Variants in TRAK1 observed in about 807,000 individuals in gnomAD.
TRAK1 encodes trafficking kinesin-binding protein 1.
In TRAK1, 33 loss-of-function variants were observed where a neutral mutation model predicts 92.1. The observed-to-expected ratio is 0.36, with a 90% confidence interval of 0.27 to 0.48. TRAK1 has a LOEUF of 0.48. Among genes scored for constraint, TRAK1 ranks in the 20% least tolerant of loss-of-function variants. The pLI, the probability that TRAK1 is intolerant of heterozygous loss-of-function variation, is 0.99. For missense variants in TRAK1, 1,123 were observed against 1,257.9 expected (o/e 0.89, Z 1.62); for synonymous variants, 521 against 517.3 (o/e 1.01, Z -0.10).
chr3:42,180,559 G>A (rs1703855333), intron 3 of TRAK1, among the ~76,000 whole-genome samples: 1 of 151,870 alleles, frequency 6.6e-6, no homozygotes, highest in South Asian at 2.1e-4. Context: ...GCATGCCTGT[G>A]GTCCTAGCTA....
intron 1 of TRAK1, among the ~76,000 whole-genome samples, chr3:42,117,032 A>AT (rs1709253048): frequency 1.3e-5 from 2 of 152,098 alleles, no homozygotes; most frequent in Admixed American, 1.3e-4. Context: ...CTCTCATAAA[A>AT]ATACAGATCC....
intron 1 of TRAK1, among the ~76,000 whole-genome samples, chr3:42,105,495 G>A (rs1056688351): frequency 2.0e-5 from 3 of 152,186 alleles, no homozygotes; most frequent in East Asian, 1.9e-4. Context: ...AACGAACAAA[G>A]CCTCCAAGAA....
At chr3:42,086,311 C>CTTTT (rs750932535), upstream of TRAK1, among the ~76,000 whole-genome samples, 4 of 140,480 alleles carry the variant, frequency 2.8e-5, no homozygotes, top group African/African-American at 8.3e-5. Context: ...CTTTTTCTTT[C>CTTTT]TTTTTTTTTT....
intron 11 of TRAK1, 134 bp downstream of exon 11, chr3:42,199,387 G>A (rs1412008501): frequency 5.2e-6 from 4 of 770,986 alleles, no homozygotes; most frequent in African/African-American, 3.5e-5. Flanking sequence ...CCAGATTAAG[G>A]GAAATAATAG....
At position 42,202,853 on chromosome 3, in the gene TRAK1, C is replaced by G. The variant is rs951847592; in HGVS notation, c.1744+101C>G. On this transcript the variant is annotated intron_variant, in intron 13 of 15. Transcript: ENST00000327628. This position sits in a 1 kb window ranked among gnomAD's most constrained non-coding sequence, Gnocchi z 6.1. ...CGGGGCACCTCTGTCACGCCTACTCCTTTTTCTTCCGCGACAGCCACCCGC... is the reference window on the plus strand; with the variant it reads ...CGGGGCACCTCTGTCACGCCTACTCGTTTTTCTTCCGCGACAGCCACCCGC... 1 of 1,523,734 alleles carries G rather than the reference C, an allele frequency of 6.6e-7. No homozygotes were observed. Among genetic ancestry groups the G allele is most frequent in the Non-Finnish European group, 8.8e-7 (1 of 1,133,542 alleles). The allele number at this position is 1,523,734 out of a possible 1,614,324, so 94.4% of individuals were successfully genotyped here.
chr3:42,070,079 G>A (rs764073014), intron 1 of TRAK1, among the ~76,000 whole-genome samples: 11 of 151,640 alleles, frequency 7.3e-5, no homozygotes, highest in Non-Finnish European at 1.3e-4. Context: ...CTCAAACTCT[G>A]GACCTCAGGT....
intron 10 of TRAK1, among the ~76,000 whole-genome samples, chr3:42,195,250 G>T (rs1370704929): frequency 6.6e-6 from 1 of 152,208 alleles, no homozygotes; most frequent in Non-Finnish European, 1.5e-5. Context: ...TACAGGTTGA[G>T]CATCTCTAAT....
At chr3:42,146,418 T>A in intron 2 of TRAK1, 1 of 194,914 alleles carries the variant, frequency 5.1e-6, no homozygotes. Flanking sequence ...TTTTAATGCC[T>A]TTACTGGTTT....
chr3:42,218,622 T>C, intron 14 of TRAK1: 1 of 985,424 alleles, frequency 1.0e-6, no homozygotes, highest in South Asian at 4.7e-5. Flanking sequence ...CTTTGCCAGC[T>C]TTCTCATGCA....
chr3:42,082,607 A>G (rs529243088), upstream of TRAK1, among the ~76,000 whole-genome samples: 23 of 152,172 alleles, frequency 1.5e-4, no homozygotes, highest in Middle Eastern at 3.4e-3. Context: ...AAAAACAAAC[A>G]AACAAACAAA....
chr3:42,111,914 TTC>T (rs754911172), intron 1 of TRAK1, among the ~76,000 whole-genome samples: 25 of 148,732 alleles, frequency 1.7e-4, no homozygotes, highest in African/African-American at 5.9e-4. Flanking sequence ...GGCTGACATC[TTC>T]TTTTTTTTTT....
chr3:42,168,104 A>G (rs761520502), intron 2 of TRAK1, among the ~76,000 whole-genome samples: 49 of 152,244 alleles, frequency 3.2e-4, no homozygotes, highest in Non-Finnish European at 6.9e-4. Context: ...TTATGGCTGT[A>G]TCATGAAATT....
At chr3:42,050,336 T>C (rs1280857462) in intron 1 of TRAK1, among the ~76,000 whole-genome samples, 1 of 152,194 alleles carries the variant, frequency 6.6e-6, no homozygotes, top group East Asian at 1.9e-4. Flanking sequence ...GAAGGGACCA[T>C]TGCCCGGGCG....
At chr3:42,039,866 T>C (rs1702469686) in intron 1 of TRAK1, among the ~76,000 whole-genome samples, 1 of 152,198 alleles carries the variant, frequency 6.6e-6, no homozygotes, top group African/African-American at 2.4e-5. Context: ...TCATTCTCCC[T>C]AGATCCTTGC....
At chr3:42,199,717 C>G (rs1000609967) in intron 11 of TRAK1, among the ~76,000 whole-genome samples, 1 of 152,190 alleles carries the variant, frequency 6.6e-6, no homozygotes, top group African/African-American at 2.4e-5. Context: ...CTTGGCCTTC[C>G]CAAAGTGTTG....
At chr3:42,100,520 T>C (rs981068393) in intron 1 of TRAK1, among the ~76,000 whole-genome samples, 1 of 152,206 alleles carries the variant, frequency 6.6e-6, no homozygotes, top group African/African-American at 2.4e-5. Context: ...ATTCCAGAAG[T>C]AGTTTTTGTA....
chr3:42,138,876 G>GGTGTGTGTGTGT (rs60025099), intron 2 of TRAK1, among the ~76,000 whole-genome samples: 4 of 118,774 alleles, frequency 3.4e-5, no homozygotes, highest in South Asian at 2.7e-4. Flanking sequence ...AAGCATAGGG[G>GGTGTGTGTGTGT]GTGTGTGTGT....
intron 14 of TRAK1, chr3:42,218,042 G>A (rs532132217): frequency 1.0e-6 from 1 of 985,272 alleles, no homozygotes; most frequent in Admixed American, 6.1e-5. Flanking sequence ...CACGTCAGGT[G>A]CCATGGGAGC....
intron 1 of TRAK1, among the ~76,000 whole-genome samples, chr3:42,069,046 A>C (rs1016793133): frequency 2.0e-5 from 3 of 152,090 alleles, no homozygotes; most frequent in Non-Finnish European, 1.5e-5. Context: ...GGCTGTTTAA[A>C]AGTTGTGGAG....
Sources: gnomAD v4.1 joint callset for allele counts (sites outside exome capture counted in the v4.1 genomes callset) on GRCh38, gnomAD v4.1.1 for gene constraint, Gnocchi (gnomAD v3.1) non-coding constraint, MANE v1.5 for transcripts, NCBI Gene and HGNC (gene_info 2026-07-23, HGNC 2026-07-21) for gene names.